The following CDH18 variants were observed in gnomAD, a reference collection of about 807,000 sequenced individuals.
The protein encoded by CDH18 is cadherin-18.
A neutral mutation model predicts 67.9 loss-of-function variants in CDH18; 31 were observed. That is an observed-to-expected ratio of 0.46 (90% CI 0.34 to 0.62). The LOEUF (loss-of-function observed/expected upper bound fraction) is 0.62, where lower values mean the gene tolerates loss of function less well. Among genes scored for constraint, CDH18 ranks in the 20% least tolerant of loss-of-function variants. The probability of loss-of-function intolerance (pLI) is 0.01; values close to 1 mark genes in which losing one functional copy is unlikely to be tolerated. For synonymous variants in CDH18, 362 were observed against 347.2 expected, an observed-to-expected ratio of 1.04 and a Z score of -0.48; for missense variants, 890 against 975.5, an observed-to-expected ratio of 0.91 and a Z score of 1.17.
intron 3 of CDH18, among the ~76,000 whole-genome samples, chr5:19,826,294 G>C (rs1045911803): frequency 1.3e-5 from 2 of 152,058 alleles, no homozygotes; most frequent in Non-Finnish European, 2.9e-5. Flanking sequence ...CAAGCAACTT[G>C]GAAAACAGAT....
At chr5:19,870,550 T>G (rs1786146292) in intron 2 of CDH18, among the ~76,000 whole-genome samples, 1 of 152,082 alleles carries the variant, frequency 6.6e-6, no homozygotes, top group African/African-American at 2.4e-5. Flanking sequence ...TGCTGAGACT[T>G]CCCCAAATGC....
At chr5:20,072,879 T>C (rs1199508333) in intron 2 of CDH18, among the ~76,000 whole-genome samples, 1 of 152,040 alleles carries the variant, frequency 6.6e-6, no homozygotes, top group East Asian at 1.9e-4. Context: ...GAATGTATTT[T>C]CATATATACG....
At chr5:19,860,882 CTTGT>C (rs1337779980) in intron 2 of CDH18, among the ~76,000 whole-genome samples, 2 of 152,016 alleles carry the variant, frequency 1.3e-5, no homozygotes, top group Non-Finnish European at 2.9e-5. Flanking sequence ...TCCTAAATTA[CTTGT>C]TTCTTTTTCA....
chr5:19,560,792 C>A (rs1739305266), intron 8 of CDH18, among the ~76,000 whole-genome samples: 1 of 151,776 alleles, frequency 6.6e-6, no homozygotes, highest in South Asian at 2.1e-4. Flanking sequence ...CCAGAATCTA[C>A]AAGGAACTTA....
intron 1 of CDH18, among the ~76,000 whole-genome samples, chr5:20,513,928 T>G (rs1755204213): frequency 6.6e-6 from 1 of 152,154 alleles, no homozygotes; most frequent in African/African-American, 2.4e-5. Context: ...AGCTATCCAT[T>G]CAGTTTACAA....
chr5:19,782,035 A>T (rs1320860881), intron 3 of CDH18, among the ~76,000 whole-genome samples: 6 of 152,196 alleles, frequency 3.9e-5, no homozygotes, highest in Non-Finnish European at 8.8e-5. Context: ...CATGGGATAT[A>T]ATAGGGATAT....
At chr5:20,533,902 A>C (rs1333386998) in intron 1 of CDH18, among the ~76,000 whole-genome samples, 1 of 152,070 alleles carries the variant, frequency 6.6e-6, no homozygotes, top group East Asian at 1.9e-4. Context: ...ATTAATCAAA[A>C]GTTCATATCG....
chr5:19,793,094 C>T (rs1776526769), intron 3 of CDH18, among the ~76,000 whole-genome samples: 1 of 152,084 alleles, frequency 6.6e-6, no homozygotes, highest in Non-Finnish European at 1.5e-5. Context: ...CCTCCTCCTT[C>T]TACTATGACA....
chr5:20,230,834 T>C (rs1290015752), intron 2 of CDH18, among the ~76,000 whole-genome samples: 1 of 152,336 alleles, frequency 6.6e-6, no homozygotes, highest in South Asian at 2.1e-4. Context: ...CCCATCACAT[T>C]TCTCTGAACA....
At chr5:19,738,203 C>A (rs1200487450) in intron 4 of CDH18, among the ~76,000 whole-genome samples, 1 of 151,800 alleles carries the variant, frequency 6.6e-6, no homozygotes, top group African/African-American at 2.4e-5. Flanking sequence ...GGACTACGGA[C>A]CACTATAATA....
At chr5:20,140,391 C>G (rs1750142906) in intron 2 of CDH18, among the ~76,000 whole-genome samples, 1 of 152,156 alleles carries the variant, frequency 6.6e-6, no homozygotes, top group Admixed American at 6.6e-5. Flanking sequence ...GGGTGCAGCA[C>G]ACCAACACAA....
At chr5:19,763,701 A>G (rs1419198954) in intron 3 of CDH18, among the ~76,000 whole-genome samples, 1 of 152,174 alleles carries the variant, frequency 6.6e-6, no homozygotes, top group African/African-American at 2.4e-5. Context: ...ACTGAACACT[A>G]AAATAAGAAT....
intron 9 of CDH18, among the ~76,000 whole-genome samples, chr5:19,530,831 C>T (rs1455851330): frequency 2.0e-5 from 3 of 152,154 alleles, no homozygotes; most frequent in South Asian, 2.1e-4. Flanking sequence ...TCCAGTCTAT[C>T]GTTGTTGGAC....
chr5:20,422,894 G>T (rs1356852538), intron 1 of CDH18, among the ~76,000 whole-genome samples: 1 of 151,038 alleles, frequency 6.6e-6, no homozygotes, highest in Non-Finnish European at 1.5e-5. Flanking sequence ...GGTTGGGAAG[G>T]TTGGTTTATG....
At chr5:19,490,560 G>A (rs1016055521) in intron 11 of CDH18, among the ~76,000 whole-genome samples, 15 of 151,364 alleles carry the variant, frequency 9.9e-5, no homozygotes, top group South Asian at 4.2e-4. Context: ...GACTACAGGC[G>A]TGCACCACCA....
At chr5:19,799,215 A>C (rs1455260163) in intron 3 of CDH18, among the ~76,000 whole-genome samples, 1 of 152,104 alleles carries the variant, frequency 6.6e-6, no homozygotes, top group Non-Finnish European at 1.5e-5. Context: ...TCACACAAGC[A>C]TACAAGAGAA....
intron 2 of CDH18, among the ~76,000 whole-genome samples, chr5:20,254,464 C>A (rs979825757): frequency 6.6e-6 from 1 of 152,124 alleles, no homozygotes; most frequent in African/African-American, 2.4e-5. Flanking sequence ...TATTTCCCAC[C>A]AAACTAACTT....
intron 9 of CDH18, among the ~76,000 whole-genome samples, chr5:19,534,020 T>C (rs557199956): frequency 1.9e-4 from 29 of 152,314 alleles, no homozygotes; most frequent in African/African-American, 6.7e-4. Flanking sequence ...TACAATATGA[T>C]ACTAACACTG....
chr5:20,495,211 CTT>C (rs1753835766), intron 1 of CDH18, among the ~76,000 whole-genome samples: 1 of 152,036 alleles, frequency 6.6e-6, no homozygotes, highest in Non-Finnish European at 1.5e-5. Context: ...CTGAAAGTCT[CTT>C]TGGTTACATC....
Sources: allele counts gnomAD v4.1 joint callset (sites outside exome capture counted in the v4.1 genomes callset), GRCh38; gene constraint gnomAD v4.1.1; transcripts MANE v1.5; gene names NCBI Gene and HGNC (gene_info 2026-07-23, HGNC 2026-07-21).